The following SPICE1 variants were observed in gnomAD, a reference collection of about 807,000 sequenced individuals.
The protein encoded by SPICE1 is spindle and centriole associated protein 1.
Under a neutral mutation model 102.7 loss-of-function variants are expected in SPICE1, and 75 were observed. That is an observed-to-expected ratio of 0.73 (90% CI 0.61 to 0.88). The LOEUF is 0.88. Ranked by LOEUF, SPICE1 falls within the 40% of genes least tolerant of loss-of-function variation. The pLI is 0.00. For missense variants in SPICE1, 979 were observed against 1,020.1 expected, an observed-to-expected ratio of 0.96 and a Z score of 0.55; for synonymous variants, 308 against 350.3, an observed-to-expected ratio of 0.88 and a Z score of 1.35.
intron 2 of SPICE1, among the ~76,000 whole-genome samples, chr3:113,504,016 A>G (rs1937060810): frequency 6.6e-6 from 1 of 152,068 alleles, no homozygotes; most frequent in Non-Finnish European, 1.5e-5. Context: ...CATAGATGCT[A>G]CTACAATGGA....
chr3:113,491,629 A>AAAAAAAAAAAAAAAAC, intron 6 of SPICE1, among the ~76,000 whole-genome samples: 1 of 146,806 alleles, frequency 6.8e-6, no homozygotes, highest in Non-Finnish European at 1.5e-5. Context: ...CGTCTCAAAA[A>AAAAAAAAAAAAAAAAC]AAAAAAAAAA....
chr3:113,448,280 T>C, intron 15 of SPICE1, 140 bp from the exon 16 acceptor site: 4 of 678,246 alleles, frequency 5.9e-6, no homozygotes, highest in Non-Finnish European at 8.9e-6. Flanking sequence ...AAGATACACT[T>C]GAAAGACTTT....
chr3:113,486,082 GCCTGGGCAACAGAATGAGA>G (rs1936639906), intron 7 of SPICE1, among the ~76,000 whole-genome samples: 1 of 151,728 alleles, frequency 6.6e-6, no homozygotes, highest in African/African-American at 2.4e-5. Flanking sequence ...CTGCACTCCA[GCCTGGGCAACAGAATGAGA>G]CTCCATCTCA....
rs748773226 is a variant in SPICE1 at position 113,468,888 on chromosome 3, C to T, written c.763G>A (p.Ala255Thr). The T allele has an allele frequency of 6.7e-5, 107 of 1,607,720 alleles. 1 individual carries two copies. In the South Asian group the frequency reaches 1.1e-3, roughly 16 times the overall value. Residue 255 changes from alanine (A) to threonine (T), a missense_variant, in exon 9 of 18, where the codon GCT (alanine) becomes ACT (threonine). Transcript: ENST00000295872. ...TGGAGTCTCTTGACAGCATTGGTAG[C>T]ATTCAGAGCAGCTAAAAGGAAGAAC... ...SSGEQRAALN[A>T]TNAVKRLQTR...
At chr3:113,484,954 G>C (rs928159470) in intron 7 of SPICE1, among the ~76,000 whole-genome samples, 1 of 151,988 alleles carries the variant, frequency 6.6e-6, no homozygotes. Context: ...GTCTAATACT[G>C]ACCATAAAGT....
Position 113,453,632 on chromosome 3 carries a change from T to G in SPICE1, c.1976A>C (p.Asn659Thr). ...GTCCTTTCTTTGTATTAATGACTCA[T>G]TTGTTCTCAGCTGCTGCCCATCTCC... ...VLGDGQQLRTNESLIQRKDIM... is the reference protein window; with the variant it reads ...VLGDGQQLRTTESLIQRKDIM... The change falls in exon 14 of 18, where the codon AAT becomes ACT. Residue 659 changes from asparagine (N) to threonine (T), a missense_variant. Coordinates refer to ENST00000295872, the MANE Select transcript of SPICE1 (RefSeq NM_144718.4). The G allele has an allele frequency of 6.2e-7, 1 of 1,614,164 alleles. No individual in the cohort carries two copies. Among genetic ancestry groups the G allele is most frequent in the Non-Finnish European group, 8.5e-7 (1 of 1,180,022 alleles).
chr3:113,448,247 TC>T, intron 15 of SPICE1, 107 bp from the exon 16 acceptor site: 1 of 992,258 alleles, frequency 1.0e-6, no homozygotes, highest in Non-Finnish European at 1.4e-6. Flanking sequence ...GGTGGTTCTT[TC>T]CATCTGTTTT....
In SPICE1 at chr3:113,453,959, A is replaced by G; in HGVS notation, c.1658-9T>C. On this transcript the variant is annotated splice_polypyrimidine_tract_variant and intron_variant, in intron 13 of 17. Transcript: ENST00000295872. ...AACAGTCCTTCTCAATACTATAGAT[A>G]AGAATTTAAAAATAACAAATATGTA... 6.4e-7 allele frequency: 1 copy of G among 1,572,204 alleles called. No homozygotes were observed. Among genetic ancestry groups the G allele is most frequent in the Non-Finnish European group, 8.6e-7 (1 of 1,161,164 alleles).
chr3:113,460,734 C>A lies in SPICE1; in HGVS notation c.1318G>T (p.Asp440Tyr). The change falls in exon 12 of 18, where the codon GAT becomes TAT. Residue 440 changes from aspartate (D) to tyrosine (Y), a missense_variant. Transcript: ENST00000295872. ...ARLQQYMVTT[D>Y]EQLISLTHAI... is the part of the protein sequence containing the mutation. ...TGTGTGAGTGATATCAGTTGCTCATCTGTTGTGACCATGTACTGCTGAAGT... is the reference window on the plus strand; with the variant it reads ...TGTGTGAGTGATATCAGTTGCTCATATGTTGTGACCATGTACTGCTGAAGT... 1.2e-6 allele frequency: 2 copies of A among 1,612,078 alleles called. No homozygotes were observed. Among genetic ancestry groups the A allele is most frequent in the Non-Finnish European group, 1.7e-6 (2 of 1,179,364 alleles).
intron 11 of SPICE1, among the ~76,000 whole-genome samples, chr3:113,465,439 A>C (rs1936030112): frequency 6.6e-6 from 1 of 152,264 alleles, no homozygotes. Context: ...AGTCTCTTGA[A>C]GACAGGAAGA....
chr3:113,449,339 A>T (rs1049192342), intron 15 of SPICE1: 3 of 152,158 alleles, frequency 2.0e-5, no homozygotes, highest in Non-Finnish European at 2.9e-5. Context: ...CACATAGTAC[A>T]TGTTCGCACA....
chr3:113,485,808 T>C (rs1215232653), intron 7 of SPICE1, among the ~76,000 whole-genome samples: 1 of 152,184 alleles, frequency 6.6e-6, no homozygotes, highest in African/African-American at 2.4e-5. Context: ...TGGAATACTA[T>C]GCAGCCATAA....
At position 113,486,210 on chromosome 3, in the gene SPICE1, C is replaced by CATATATAT. The variant is rs60309507; in HGVS notation, c.611+2727_611+2734dup. 2.6e-3 allele frequency among the ~76,000 whole-genome samples: 368 copies of CATATATAT among 141,042 alleles called. 4 individuals carry two copies. Among genetic ancestry groups the CATATATAT allele is most frequent in the African/African-American group, 9.0e-3 (343 of 38,306 alleles). The allele number at this position is 141,042 out of a possible 152,430, so 92.5% of individuals were successfully genotyped here. A position where few individuals can be genotyped will look rare whatever the true frequency, so the allele number is the denominator to read the frequency against. ...ATACTGTAGTTTATTTGACCATTCT[C>CATATATAT]ATATATATATATATATATATATGCC... On this transcript the variant is annotated intron_variant, in intron 7 of 17. Coordinates refer to ENST00000295872, the MANE Select transcript of SPICE1 (RefSeq NM_144718.4).
At chr3:113,472,663 C>A (rs1559964797) in intron 7 of SPICE1, among the ~76,000 whole-genome samples, 1 of 152,302 alleles carries the variant, frequency 6.6e-6, no homozygotes, top group East Asian at 1.9e-4. Flanking sequence ...GCTGCTGATA[C>A]CCAGGCAAAC....
chr3:113,506,442 G>A (rs1394864609), intron 2 of SPICE1, 65 bp downstream of exon 2: 24 of 1,272,462 alleles, frequency 1.9e-5, no homozygotes, highest in African/African-American at 5.9e-5. Context: ...CATGACTAGG[G>A]CCATATCACT....
At chr3:113,509,162 T>C (rs7624994) in intron 1 of SPICE1, among the ~76,000 whole-genome samples, 32,020 of 152,050 alleles carry the variant, frequency 0.21, 3,637 homozygotes, top group African/African-American at 0.3. Flanking sequence ...TAGATAGTAA[T>C]GTTAGTTGCG....
chr3:113,471,359 C>G (rs1326508462), intron 7 of SPICE1, among the ~76,000 whole-genome samples: 1 of 152,108 alleles, frequency 6.6e-6, no homozygotes, highest in Non-Finnish European at 1.5e-5. Context: ...AGAGGAAGAT[C>G]TTTGACACCC....
At chr3:113,486,806 T>C (rs1034497428) in intron 7 of SPICE1, among the ~76,000 whole-genome samples, 5 of 150,858 alleles carry the variant, frequency 3.3e-5, no homozygotes, top group Non-Finnish European at 5.9e-5. Flanking sequence ...CGTTACCTTT[T>C]ATATAAGAAG....
intron 7 of SPICE1, among the ~76,000 whole-genome samples, chr3:113,487,752 C>CATCA (rs1324344705): frequency 1.3e-5 from 2 of 152,268 alleles, no homozygotes; most frequent in East Asian, 3.9e-4. Context: ...ACGTGGCAGA[C>CATCA]ATCACTGTAA....
Sources: allele counts gnomAD v4.1 joint callset (sites outside exome capture counted in the v4.1 genomes callset), GRCh38; gene constraint gnomAD v4.1.1; transcripts MANE v1.5; gene names NCBI Gene and HGNC (gene_info 2026-07-23, HGNC 2026-07-21).